BRMS1: variants seen among roughly 807,000 people sequenced by gnomAD.
BRMS1 encodes breast cancer metastasis-suppressor 1.
A neutral mutation model predicts 40.4 loss-of-function variants in BRMS1; 26 were observed. The ratio of observed to expected loss-of-function variants is 0.64; its 90% confidence interval spans 0.47 to 0.89. BRMS1 has a LOEUF of 0.89. Among genes scored for constraint, BRMS1 ranks in the 40% least tolerant of loss-of-function variants. BRMS1 has a pLI of 0.00. For synonymous variants in BRMS1, 103 were observed against 116.0 expected (o/e 0.89, Z 0.72); for missense variants, 289 against 309.4 (o/e 0.93, Z 0.49).
intron 9 of BRMS1, 62 bp downstream of exon 9, chr11:66,338,181 T>C: frequency 6.3e-7 from 1 of 1,584,070 alleles, no homozygotes; most frequent in South Asian, 1.1e-5. Context: ...TCCTGGAAGC[T>C]GAGCTGAGGA....
At position 66,341,531 on chromosome 11, in the gene BRMS1, A is replaced by C. The variant is rs771500932; in HGVS notation, c.230+2T>G. ...CCCAGCCCAAGGTGTCCCCACGCTCACTTCTCCTTTAGCTCCGAGAACTGC... is the reference window on the plus strand; with the variant it reads ...CCCAGCCCAAGGTGTCCCCACGCTCCCTTCTCCTTTAGCTCCGAGAACTGC... On this transcript the variant is annotated splice_donor_variant, in intron 3 of 9. Transcript: ENST00000359957. LOFTEE classifies it high-confidence loss of function. This position sits in a 1 kb window ranked among gnomAD's most constrained non-coding sequence, Gnocchi z 4.9. 9.9e-6 allele frequency: 16 copies of C among 1,613,900 alleles called. No individual in the cohort carries two copies. Among genetic ancestry groups the C allele is most frequent in the Non-Finnish European group, 1.4e-5 (16 of 1,179,904 alleles).
intron 7 of BRMS1, chr11:66,339,856 C>A: frequency 2.7e-6 from 1 of 369,474 alleles, no homozygotes; most frequent in Non-Finnish European, 5.0e-6. Flanking sequence ...CCCGCCTTGG[C>A]CTCCCAAAGT....
chr11:66,338,741 C>T lies in BRMS1; in HGVS notation c.673G>A (p.Asp225Asn). The T allele has an allele frequency of 2.5e-6, 4 of 1,599,912 alleles. No individual in the cohort carries two copies. The highest frequency in any genetic ancestry group is 3.4e-6 in the Non-Finnish European group (4 of 1,172,174). The change falls in exon 8 of 10, where the codon GAC becomes AAC. Residue 225 changes from aspartate (D) to asparagine (N), a missense_variant. By Grantham distance (23) the Asp-to-Asn change is conservative. Coordinates refer to ENST00000359957, the MANE Select transcript of BRMS1 (RefSeq NM_015399.4). ...CCCACCTTTTTGATGGCTGTCCAGTCCTCCAGGATGTCGATCTCTTGAAGC... is the reference window on the plus strand; with the variant it reads ...CCCACCTTTTTGATGGCTGTCCAGTTCTCCAGGATGTCGATCTCTTGAAGC... ...YMLQEIDILE[D>N]WTAIKKARAA... is the part of the protein sequence containing the mutation.
rs1254427890 is a variant in BRMS1 at position 66,338,768 on chromosome 11, T to C, written c.646A>G (p.Met216Val). Residue 216 changes from methionine (M) to valine (V), a missense_variant, in exon 8 of 10, where the codon ATG (methionine) becomes GTG (valine). Physicochemically the swap from Met to Val is conservative, Grantham distance 21 (BLOSUM62 1). Transcript: ENST00000359957. ...PLVSGPYIVY[M>V]LQEIDILEDW... ...TCCAGGATGTCGATCTCTTGAAGCATGTACACGATGTATGGGCCTGTGGTG... is the reference window on the plus strand; with the variant it reads ...TCCAGGATGTCGATCTCTTGAAGCACGTACACGATGTATGGGCCTGTGGTG... 4.5e-6 allele frequency: 7 copies of C among 1,569,246 alleles called. No individual in the cohort carries two copies. Among genetic ancestry groups the C allele is most frequent in the Non-Finnish European group, 6.1e-6 (7 of 1,155,904 alleles).
intron 7 of BRMS1, 46 bp downstream of exon 7, chr11:66,340,075 C>T (rs1489770213): frequency 2.6e-6 from 4 of 1,552,644 alleles, no homozygotes; most frequent in African/African-American, 1.4e-5. Context: ...CTGGAGTTGA[C>T]CCTTACATCC....
intron 6 of BRMS1, among the ~76,000 whole-genome samples, chr11:66,340,418 G>A (rs1360636543): frequency 6.6e-6 from 1 of 152,166 alleles, no homozygotes; most frequent in Non-Finnish European, 1.5e-5. Context: ...GCACTTCTGT[G>A]AGCCTCATCT....
intron 6 of BRMS1, 87 bp from the exon 7 acceptor site, chr11:66,340,300 C>G (rs1483609920): frequency 2.1e-5 from 24 of 1,168,512 alleles, no homozygotes; most frequent in Non-Finnish European, 2.9e-5. Flanking sequence ...ATGGGCCGGC[C>G]TGGCCTCATC....
intron 8 of BRMS1, 111 bp from the exon 9 acceptor site, chr11:66,338,393 C>A (rs1250381080): frequency 6.5e-7 from 1 of 1,534,804 alleles, no homozygotes; most frequent in African/African-American, 1.4e-5. Context: ...GCTGTGCCCC[C>A]AGGACCGGGA....
Position 66,341,087 on chromosome 11 carries a change from C to A in BRMS1, c.359-41G>T, listed in dbSNP as rs1199679553. ...GGAGGGTCCCTGCTTGGCTGGGGAG[C>A]CCGGTGCCCACATAGGAGGGCTGAG... On this transcript the variant is annotated intron_variant, in intron 4 of 9. Transcript: ENST00000359957. This position sits in a 1 kb window ranked among gnomAD's most constrained non-coding sequence, Gnocchi z 4.9. The A allele has an allele frequency of 6.2e-7, 1 of 1,612,414 alleles. No individual in the cohort carries two copies.
At chr11:66,338,396 G>A (rs1854985167) in intron 8 of BRMS1, 114 bp from the exon 9 acceptor site, 1 of 1,532,500 alleles carries the variant, frequency 6.5e-7, no homozygotes, top group Non-Finnish European at 8.8e-7. Context: ...GTGCCCCCAG[G>A]ACCGGGAGCA....
rs1048315008 is a variant in BRMS1 at position 66,341,940 on chromosome 11, G to A, written c.139+156C>T. On this transcript the variant is annotated intron_variant, in intron 2 of 9. Coordinates refer to ENST00000359957, the MANE Select transcript of BRMS1 (RefSeq NM_015399.4). The surrounding 1 kb of genome is among the most constrained non-coding windows in gnomAD (Gnocchi z 4.9). The stretch of plus-strand genomic sequence containing the variant: ...GCTTGTGTGTAGGGGCTGTGTGTGC[G>A]TGTGTGCGCTTGTGTGCAGGGTCTG... 1.5e-5 allele frequency: 12 copies of A among 818,122 alleles called. No homozygotes were observed. The highest frequency in any genetic ancestry group is 8.4e-5 in the South Asian group (5 of 59,808). 50.7% of individuals were successfully genotyped at this position (818,122 alleles called of 1,614,324 possible).
In BRMS1 at chr11:66,342,117, C is replaced by T. The variant is rs1462099670; in HGVS notation, c.118G>A (p.Glu40Lys). ...TCACCGGAGCTCTCCTCTTCTGACTCTGTCTGGCTGCCGCTCCGCTCCTCC... is the reference window on the plus strand; with the variant it reads ...TCACCGGAGCTCTCCTCTTCTGACTTTGTCTGGCTGCCGCTCCGCTCCTCC... ...SEEERSGSQT[E>K]SEEESSEMDD... is the part of the protein sequence containing the mutation. Residue 40 changes from glutamate to lysine, a missense_variant, in exon 2 of 10, where the codon GAG becomes AAG. Transcript: ENST00000359957. 6.2e-7 allele frequency: 1 copy of T among 1,613,598 alleles called. No homozygotes were observed.
rs531419407 is a variant in BRMS1, at chr11:66,340,177, G to C, written c.572C>G (p.Ser191Cys). The change falls in exon 7 of 10, where the codon TCC becomes TGC. Residue 191 changes from serine (S) to cysteine (C), a missense_variant. Physicochemically the swap from Ser to Cys is moderately radical, Grantham distance 112 (BLOSUM62 -1). Transcript: ENST00000359957. ...GGGCGGCAGGGAGTCCCAAGACCTG[G>C]AGCTGCCTCTGGCGTGCAGTTTGTC... ...WDDKLHARGSSRSWDSLPPSK... is the reference protein window; with the variant it reads ...WDDKLHARGSCRSWDSLPPSK... 9 of 1,613,650 alleles carry C rather than the reference G, an allele frequency of 5.6e-6. No homozygotes were observed. In the South Asian group the frequency reaches 9.9e-5, roughly 18 times the overall value.
chr11:66,342,387 G>A (rs1035898102), intron 1 of BRMS1, 146 bp from the exon 2 acceptor site: 5 of 1,017,174 alleles, frequency 4.9e-6, no homozygotes, highest in African/African-American at 3.2e-5. Flanking sequence ...CAAACTGGGT[G>A]ACAAGGGTGC....
intron 1 of BRMS1, 142 bp from the exon 2 acceptor site, chr11:66,342,383 G>A (rs777269710): frequency 1.2e-5 from 12 of 1,008,248 alleles, no homozygotes; most frequent in Non-Finnish European, 1.6e-5. Flanking sequence ...AGCACAAACT[G>A]GGTGACAAGG....
At chr11:66,342,018 G>A in intron 2 of BRMS1, 78 bp downstream of exon 2, 1 of 1,488,094 alleles carries the variant, frequency 6.7e-7, no homozygotes, top group Non-Finnish European at 9.1e-7. Context: ...ATGCTTGTGT[G>A]TAGGGGCTGT....
intron 1 of BRMS1, 21 bp downstream of exon 1, chr11:66,344,951 G>T (rs1401865777): frequency 6.6e-6 from 1 of 152,290 alleles, no homozygotes. Flanking sequence ...CGAACCAAAA[G>T]CCATGCATGA....
Position 66,341,070 on chromosome 11 carries a change from C to T in BRMS1, c.359-24G>A, listed in dbSNP as rs377671315. 1.9e-6 allele frequency: 3 copies of T among 1,613,214 alleles called. No homozygotes were observed. Among genetic ancestry groups the T allele is most frequent in the Non-Finnish European group, 2.5e-6 (3 of 1,179,876 alleles). On this transcript the variant is annotated intron_variant, in intron 4 of 9. Coordinates refer to ENST00000359957, the MANE Select transcript of BRMS1 (RefSeq NM_015399.4). This position sits in a 1 kb window ranked among gnomAD's most constrained non-coding sequence, Gnocchi z 4.9. ...CCCTGCAGAGAAAGGGAGGAGGGTCCCTGCTTGGCTGGGGAGCCCGGTGCC... is the reference window on the plus strand; with the variant it reads ...CCCTGCAGAGAAAGGGAGGAGGGTCTCTGCTTGGCTGGGGAGCCCGGTGCC...
At position 66,341,247 on chromosome 11, in the gene BRMS1, C is replaced by G. The variant is rs374007540; in HGVS notation, c.317G>C (p.Gly106Ala). 18 of 1,613,428 alleles carry G rather than the reference C, an allele frequency of 1.1e-5. No homozygotes were observed. The highest frequency in any genetic ancestry group is 2.2e-5 in the South Asian group (2 of 91,084). The change falls in exon 4 of 10, where the codon GGG (glycine) becomes GCG (alanine). Residue 106 changes from glycine (G) to alanine (A), a missense_variant. Transcript: ENST00000359957. The surrounding 1 kb of genome is among the most constrained non-coding windows in gnomAD (Gnocchi z 4.9). ...AATCTTGAGGCTCCGCTGCAGCCCC[C>G]CAAGGGGCTCCGTGTATTCAGGGGC... ...ERAPEYTEPL[G>A]GLQRSLKIRI...
Sources: gnomAD v4.1 joint callset for allele counts (sites outside exome capture counted in the v4.1 genomes callset) on GRCh38, gnomAD v4.1.1 for gene constraint, Gnocchi (gnomAD v3.1) non-coding constraint, MANE v1.5 for transcripts, NCBI Gene and HGNC (gene_info 2026-07-23, HGNC 2026-07-21) for gene names.